Variants in PTPRE observed in about 807,000 individuals in gnomAD.
PTPRE encodes the protein receptor-type tyrosine-protein phosphatase epsilon.
PTPRE carries 51 observed loss-of-function variants against 102.0 expected under a neutral mutation model. That is an observed-to-expected ratio of 0.50 (90% confidence interval 0.40 to 0.63). The LOEUF is 0.63. Among genes scored for constraint, PTPRE ranks in the 30% least tolerant of loss-of-function variants. PTPRE has a pLI of 0.00. For synonymous variants in PTPRE, 345 were observed against 348.2 expected, an observed-to-expected ratio of 0.99 and a Z score of 0.10; for missense variants, 752 against 915.1, an observed-to-expected ratio of 0.82 and a Z score of 2.30.
In PTPRE at chr10:128,072,248, A is replaced by G. The variant is rs184616547; in HGVS notation, c.1464+34A>G. On this transcript the variant is annotated intron_variant, in intron 16 of 20. Coordinates refer to ENST00000254667, the MANE Select transcript of PTPRE (RefSeq NM_006504.6). ...GCTGGCCTGGGTTGTGTTTATGCAG[A>G]TGTGTTTCCTTCACATGTGACCACA... 820 of 1,555,448 alleles carry G rather than the reference A, an allele frequency of 5.3e-4. 6 individuals carry two copies. In the African/African-American group the frequency reaches 9.9e-3, roughly 19 times the overall value.
chr10:128,004,423 C>T (rs1854304645), intron 2 of PTPRE, among the ~76,000 whole-genome samples: 1 of 152,140 alleles, frequency 6.6e-6, no homozygotes, highest in Non-Finnish European at 1.5e-5. Context: ...TCCATTTCCC[C>T]CTTCTCCCAT....
chr10:128,076,481 T>TG lies in PTPRE; in HGVS notation c.1600-122_1600-121insG, dbSNP rs1554949262. The TG allele has an allele frequency of 2.5e-5, 19 of 746,458 alleles. No homozygotes were observed. The South Asian group carries it at 3.5e-4, about 14-fold the overall frequency. The allele number at this position is 746,458 out of a possible 1,614,324, so 46.2% of individuals were successfully genotyped here. A position where few individuals can be genotyped will look rare whatever the true frequency, so the allele number is the denominator to read the frequency against. On this transcript the variant is annotated intron_variant, in intron 17 of 20. Coordinates refer to ENST00000254667, the MANE Select transcript of PTPRE (RefSeq NM_006504.6). The stretch of plus-strand genomic sequence containing the variant: ...AGGCATTTATATTCATATTCATATG[T>TG]TTTTTTTTTTGGTCAGATGAAATAC...
Position 128,085,165 on chromosome 10 carries a change from C to A in PTPRE, c.*2259C>A, listed in dbSNP as rs1158579781. 5 of 452,978 alleles carry A rather than the reference C, an allele frequency of 1.1e-5. No individual in the cohort carries two copies. Among genetic ancestry groups the A allele is most frequent in the Non-Finnish European group, 2.2e-5 (5 of 225,110 alleles). 28.1% of individuals were successfully genotyped at this position (452,978 alleles called of 1,614,324 possible). A position where few individuals can be genotyped will look rare whatever the true frequency, so the allele number is the denominator to read the frequency against. On this transcript the variant is annotated 3_prime_UTR_variant, in exon 21 of 21. Coordinates refer to ENST00000254667, the MANE Select transcript of PTPRE (RefSeq NM_006504.6). ...CCCTTTAGCGGGGAGGTCATTACAG[C>A]CTCATGGCCTCTACCAAGGCCCCAG...
At chr10:128,019,378 C>T (rs542779228) in intron 2 of PTPRE, among the ~76,000 whole-genome samples, 4 of 152,286 alleles carry the variant, frequency 2.6e-5, no homozygotes, top group Admixed American at 1.3e-4. Flanking sequence ...GATCTCCACG[C>T]GATGCTGTTT....
rs187130933 is a variant in PTPRE, at chr10:128,026,337, G to A, written c.-7-14538G>A. 6.6e-5 allele frequency among the ~76,000 whole-genome samples: 10 copies of A among 152,338 alleles called. No homozygotes were observed. The East Asian group carries it at 7.7e-4, about 12-fold the overall frequency. Reference sequence around the variant, plus strand: ...GGGTCTGGCGAGAGGCCCCCTGCACGCTTGCCAGCCAGCACAAAGCAGTAT... The same window carrying A: ...GGGTCTGGCGAGAGGCCCCCTGCACACTTGCCAGCCAGCACAAAGCAGTAT... On this transcript the variant is annotated intron_variant, in intron 2 of 20. Transcript: ENST00000254667.
chr10:128,056,794 G>A (rs1377351734), intron 7 of PTPRE, among the ~76,000 whole-genome samples: 2 of 152,126 alleles, frequency 1.3e-5, no homozygotes, highest in African/African-American at 4.8e-5. Context: ...GGGCCAGAGA[G>A]CAGACGGATG....
At chr10:128,017,327 C>T (rs1326858347) in intron 2 of PTPRE, among the ~76,000 whole-genome samples, 1 of 152,118 alleles carries the variant, frequency 6.6e-6, no homozygotes. Context: ...AGGTAAGAGG[C>T]CTGGCACGCT....
chr10:128,068,337 G>T (rs1291488208), intron 12 of PTPRE, 51 bp downstream of exon 12: 1 of 1,562,214 alleles, frequency 6.4e-7, no homozygotes, highest in Non-Finnish European at 8.7e-7. Context: ...GCCACAGTGG[G>T]ATGACTCATC....
intron 2 of PTPRE, among the ~76,000 whole-genome samples, chr10:127,988,599 C>G (rs1450102843): frequency 6.6e-6 from 1 of 152,206 alleles, no homozygotes; most frequent in Non-Finnish European, 1.5e-5. Flanking sequence ...GCCACCCTAC[C>G]TGGCCTGCGG....
rs143000406 is a variant in PTPRE at position 128,048,384 on chromosome 10, C to T, written c.283+547C>T. Among the ~76,000 whole-genome samples, 30 of 152,242 alleles carry T rather than the reference C, an allele frequency of 2.0e-4. No individual in the cohort carries two copies. The East Asian group carries it at 5.6e-3, about 28-fold the overall frequency. ...ACATAGAGATGAGATGACCGAGAAA[C>T]GTGTGTAAGGCAGAGGCCACAAAAA... On this transcript the variant is annotated intron_variant, in intron 5 of 20. Transcript: ENST00000254667.
intron 1 of PTPRE, among the ~76,000 whole-genome samples, chr10:127,926,643 G>A (rs568219375): frequency 2.0e-5 from 3 of 151,994 alleles, no homozygotes; most frequent in Non-Finnish European, 1.5e-5. Flanking sequence ...CAGGTCTAGC[G>A]ACGGGCTCTG....
intron 2 of PTPRE, among the ~76,000 whole-genome samples, chr10:128,007,802 T>C (rs927806597): frequency 1.6e-4 from 24 of 152,296 alleles, no homozygotes; most frequent in African/African-American, 5.5e-4. Context: ...ATCAGATGTG[T>C]TCTGTAGAGA....
intron 1 of PTPRE, among the ~76,000 whole-genome samples, chr10:127,922,770 C>T (rs1009755824): frequency 5.3e-5 from 8 of 152,246 alleles, no homozygotes; most frequent in South Asian, 2.1e-4. Context: ...CTGAGAGCCC[C>T]AGGCACAGCG....
chr10:128,084,587 C>T lies in PTPRE; in HGVS notation c.*1681C>T, dbSNP rs1156812731. On this transcript the variant is annotated 3_prime_UTR_variant, in exon 21 of 21. Coordinates refer to ENST00000254667, the MANE Select transcript of PTPRE (RefSeq NM_006504.6). ...TCACCAGCTGCATGCCTGGGCTGCA[C>T]ACTGCTGAACGTGCTCCTCTCTCCT... 1 of 152,384 alleles carries T rather than the reference C, an allele frequency of 6.6e-6. No individual in the cohort carries two copies. Among genetic ancestry groups the T allele is most frequent in the Non-Finnish European group, 1.5e-5 (1 of 68,150 alleles). The allele number at this position is 152,384 out of a possible 1,614,324, so 9.4% of individuals were successfully genotyped here.
At chr10:128,052,425 G>A (rs546054963) in intron 6 of PTPRE, among the ~76,000 whole-genome samples, 46 of 152,230 alleles carry the variant, frequency 3.0e-4, no homozygotes, top group Admixed American at 6.5e-4. Flanking sequence ...TGTTTGTCCC[G>A]GCTCAGAGAG....
chr10:127,923,360 G>A (rs1846750826), intron 1 of PTPRE, among the ~76,000 whole-genome samples: 1 of 151,144 alleles, frequency 6.6e-6, no homozygotes, highest in African/African-American at 2.4e-5. Context: ...TAATGGAATC[G>A]CTTGCCTGTT....
chr10:128,007,756 T>C lies in PTPRE; in HGVS notation c.-8+25460T>C, dbSNP rs915927182. Among the ~76,000 whole-genome samples the C allele has an allele frequency of 2.6e-5, 4 of 152,202 alleles. 1 individual carries two copies. Among genetic ancestry groups the C allele is most frequent in the Non-Finnish European group, 5.9e-5 (4 of 68,040 alleles). ...GTGCACAGCTGGAAGGCAGGCACCA[T>C]GAGAGTCTTGTACTGTCTCAGAGAG... On this transcript the variant is annotated intron_variant, in intron 2 of 20. Coordinates refer to ENST00000254667, the MANE Select transcript of PTPRE (RefSeq NM_006504.6).
chr10:127,915,616 A>G (rs1846150178), intron 1 of PTPRE, among the ~76,000 whole-genome samples: 1 of 152,250 alleles, frequency 6.6e-6, no homozygotes, highest in African/African-American at 2.4e-5. Context: ...TAATATAAAA[A>G]TGCAAGAGCC....
intron 1 of PTPRE, among the ~76,000 whole-genome samples, chr10:127,958,266 C>T (rs1478935473): frequency 6.6e-6 from 1 of 152,186 alleles, no homozygotes; most frequent in East Asian, 1.9e-4. Context: ...ATCCTTGCCT[C>T]GTTCCTGATC....
Sources: allele counts gnomAD v4.1 joint callset (sites outside exome capture counted in the v4.1 genomes callset), GRCh38; gene constraint gnomAD v4.1.1; transcripts MANE v1.5; gene names NCBI Gene and HGNC (gene_info 2026-07-23, HGNC 2026-07-21).